CENPK: variants seen among roughly 807,000 people sequenced by gnomAD.
The protein encoded by CENPK is SoxLZ/Sox6-binding protein Solt.
CENPK carries 46 observed loss-of-function variants against 40.9 expected under a neutral mutation model. That is an observed-to-expected ratio of 1.13 (90% CI 0.89 to 1.44). The LOEUF is 1.44. Ranked by LOEUF, CENPK falls within the 40% of genes most tolerant of loss-of-function variation. CENPK has a pLI of 0.00. For missense variants in CENPK, 288 were observed against 303.5 expected, an observed-to-expected ratio of 0.95 and a Z score of 0.38; for synonymous variants, 107 against 104.4, an observed-to-expected ratio of 1.02 and a Z score of -0.15.
intron 3 of CENPK, 75 bp from the exon 4 acceptor site, chr5:65,552,624 A>G: frequency 1.2e-6 from 1 of 812,316 alleles, no homozygotes; most frequent in Non-Finnish European, 2.0e-6. Flanking sequence ...CTCCTTTTCT[A>G]CCAGGCCAAT....
At chr5:65,531,738 G>A (rs1327121587) in intron 6 of CENPK, among the ~76,000 whole-genome samples, 1 of 151,984 alleles carries the variant, frequency 6.6e-6, no homozygotes, top group East Asian at 1.9e-4. Context: ...TCCTGACCTC[G>A]TGATCTGCCC....
intron 1 of CENPK, among the ~76,000 whole-genome samples, chr5:65,562,473 A>G (rs1752179647): frequency 6.6e-6 from 1 of 152,220 alleles, no homozygotes; most frequent in African/African-American, 2.4e-5. Context: ...AAAGTAGAGA[A>G]GAGATTTACG....
At chr5:65,559,723 C>T (rs1167994583) in intron 2 of CENPK, among the ~76,000 whole-genome samples, 1 of 151,612 alleles carries the variant, frequency 6.6e-6, no homozygotes, top group Non-Finnish European at 1.5e-5. Context: ...ACATACCCTA[C>T]ACTATTATGG....
At chr5:65,558,585 G>A (rs1751380862) in intron 2 of CENPK, among the ~76,000 whole-genome samples, 1 of 152,198 alleles carries the variant, frequency 6.6e-6, no homozygotes, top group Non-Finnish European at 1.5e-5. Context: ...GAAAAGAGAT[G>A]TATAAAACAG....
chr5:65,548,438 G>A (rs1749399170), intron 5 of CENPK, among the ~76,000 whole-genome samples: 1 of 152,100 alleles, frequency 6.6e-6, no homozygotes, highest in African/African-American at 2.4e-5. Context: ...CAGGTTAGTG[G>A]CTACTGAAGG....
chr5:65,495,810 T>A, the CENPK span, among the ~76,000 whole-genome samples: 1 of 152,098 alleles, frequency 6.6e-6, no homozygotes, highest in African/African-American at 2.4e-5. Flanking sequence ...CCAATAAATA[T>A]AAATTAAAAC....
In CENPK at chr5:65,529,155, C is replaced by T; in HGVS notation, c.333G>A (p.Lys111=). 1 of 1,611,076 alleles carries T rather than the reference C, an allele frequency of 6.2e-7. No individual in the cohort carries two copies. Among genetic ancestry groups the T allele is most frequent in the Non-Finnish European group, 8.5e-7 (1 of 1,178,080 alleles). Residue 111 remains lysine, a synonymous_variant, in exon 7 of 11, where the codon AAG becomes AAA. Transcript: ENST00000396679. Reference sequence around the variant, plus strand: ...CCTTTAACTTTTCATTCTTTGACTCCTTAGTGGACAGTACCATTTCAAGAT... The same window carrying T: ...CCTTTAACTTTTCATTCTTTGACTCTTTAGTGGACAGTACCATTTCAAGAT... ...RQDLEMVLST[K]ESKNEKLKED...
intron 6 of CENPK, among the ~76,000 whole-genome samples, chr5:65,539,297 C>A (rs1747524717): frequency 6.6e-6 from 1 of 152,188 alleles, no homozygotes; most frequent in Non-Finnish European, 1.5e-5. Flanking sequence ...AACATCTCAT[C>A]TAAATATGAT....
At chr5:65,523,778 C>T (rs1348271736) in intron 9 of CENPK, among the ~76,000 whole-genome samples, 1 of 152,150 alleles carries the variant, frequency 6.6e-6, no homozygotes, top group Non-Finnish European at 1.5e-5. Flanking sequence ...GAATAACCAA[C>T]ATTGTGAAAT....
intron 10 of CENPK, among the ~76,000 whole-genome samples, chr5:65,519,027 G>A (rs1383617760): frequency 2.0e-5 from 3 of 152,262 alleles, no homozygotes; most frequent in African/African-American, 7.2e-5. Context: ...AACTGGTCCT[G>A]TCCCCCACAA....
rs183814235 is a variant in CENPK, at chr5:65,546,177, T to C, written c.242-3329A>G. Among the ~76,000 whole-genome samples, 431 of 152,376 alleles carry C rather than the reference T, an allele frequency of 2.8e-3. 5 individuals are homozygous for C. The highest frequency in any genetic ancestry group is 0.01 in the African/African-American group (417 of 41,586). On this transcript the variant is annotated intron_variant, in intron 5 of 10. Coordinates refer to ENST00000396679, the MANE Select transcript of CENPK (RefSeq NM_022145.5). Reference sequence around the variant, plus strand: ...ATCTGTGACAGTAGGACTCGATATTTAGTAACTAGTTATATGTTCTAGTTC... The same window carrying C: ...ATCTGTGACAGTAGGACTCGATATTCAGTAACTAGTTATATGTTCTAGTTC...
chr5:65,547,484 T>A (rs1168731945), intron 5 of CENPK, among the ~76,000 whole-genome samples: 1 of 151,746 alleles, frequency 6.6e-6, no homozygotes, highest in Non-Finnish European at 1.5e-5. Flanking sequence ...GAAGACAAAT[T>A]AAAATCACAA....
the CENPK span, among the ~76,000 whole-genome samples, chr5:65,497,676 A>G: frequency 6.6e-6 from 1 of 152,210 alleles, no homozygotes; most frequent in Non-Finnish European, 1.5e-5. Context: ...ACAGGGTTTT[A>G]GAAGTCTGTC....
chr5:65,506,130 T>C, the CENPK span, among the ~76,000 whole-genome samples: 1 of 152,124 alleles, frequency 6.6e-6, no homozygotes, highest in Non-Finnish European at 1.5e-5. Context: ...ACACCTGTAA[T>C]TCCAGTGCTT....
At chr5:65,560,287 A>T (rs917819288) in intron 2 of CENPK, among the ~76,000 whole-genome samples, 1 of 152,144 alleles carries the variant, frequency 6.6e-6, no homozygotes, top group African/African-American at 2.4e-5. Flanking sequence ...CTACAAATTC[A>T]TAAGAAGAAA....
chr5:65,528,834 A>G lies in CENPK; in HGVS notation c.470+85T>C. On this transcript the variant is annotated intron_variant, in intron 8 of 10. Transcript: ENST00000396679. ...TAGGGCAAGACTCCTGATTCCTGGT[A>G]ACATTTAACTTCATCTATGTTTCAT... 3.1e-6 allele frequency: 3 copies of G among 954,146 alleles called. No homozygotes were observed. In the South Asian group the frequency reaches 5.4e-5, roughly 17 times the overall value. The allele number at this position is 954,146 out of a possible 1,614,324, so 59.1% of individuals were successfully genotyped here.
intron 10 of CENPK, 118 bp downstream of exon 10, chr5:65,521,357 A>G (rs1743706809): frequency 8.9e-6 from 6 of 672,600 alleles, no homozygotes; most frequent in Non-Finnish European, 1.6e-5. Flanking sequence ...ATATTTAATA[A>G]AGATTGATGC....
intron 2 of CENPK, among the ~76,000 whole-genome samples, chr5:65,560,537 G>T (rs995280608): frequency 1.3e-5 from 2 of 151,534 alleles, no homozygotes; most frequent in African/African-American, 4.9e-5. Flanking sequence ...ACAATAAAAA[G>T]GTAAACAACA....
chr5:65,562,640 G>C (rs1752214481), intron 1 of CENPK, among the ~76,000 whole-genome samples: 1 of 152,104 alleles, frequency 6.6e-6, no homozygotes, highest in Non-Finnish European at 1.5e-5. Flanking sequence ...TAAAAATGAA[G>C]AAGACAGATG....
Sources: gnomAD v4.1 joint callset for allele counts (sites outside exome capture counted in the v4.1 genomes callset) on GRCh38, gnomAD v4.1.1 for gene constraint, MANE v1.5 for transcripts, NCBI Gene and HGNC (gene_info 2026-07-23, HGNC 2026-07-21) for gene names.